The following KCNQ3 variants were observed in gnomAD, a reference collection of about 807,000 sequenced individuals.
KCNQ3 encodes potassium voltage-gated channel subfamily Q member 3.
A neutral mutation model predicts 92.5 loss-of-function variants in KCNQ3; 30 were observed. The ratio of observed to expected loss-of-function variants is 0.32; its 90% confidence interval spans 0.24 to 0.44. The LOEUF is 0.44. Ranked by LOEUF, KCNQ3 falls within the 20% of genes least tolerant of loss-of-function variation. The pLI, the probability that KCNQ3 is intolerant of heterozygous loss-of-function variation, is 1.00. For missense variants in KCNQ3, 913 were observed against 1,140.3 expected, an observed-to-expected ratio of 0.80 and a Z score of 2.87; for synonymous variants, 450 against 468.8, an observed-to-expected ratio of 0.96 and a Z score of 0.52.
chr8:132,466,304 G>C (rs1351493155), intron 1 of KCNQ3, among the ~76,000 whole-genome samples: 1 of 151,758 alleles, frequency 6.6e-6, no homozygotes, highest in Admixed American at 6.6e-5. Context: ...CGAGAAAACA[G>C]AGCCACATAT....
At chr8:132,315,848 T>G (rs887248447) in intron 1 of KCNQ3, among the ~76,000 whole-genome samples, 1 of 152,238 alleles carries the variant, frequency 6.6e-6, no homozygotes. Context: ...AATTGAATTA[T>G]AAACTAGCCA....
chr8:132,448,781 T>G (rs1273148221), intron 1 of KCNQ3, among the ~76,000 whole-genome samples: 1 of 152,246 alleles, frequency 6.6e-6, no homozygotes, highest in African/African-American at 2.4e-5. Context: ...CTTAAATTTT[T>G]AATCCATTTG....
chr8:132,123,721 A>C lies in KCNQ3; in HGVS notation c.*5541T>G, dbSNP rs1032531241. Reference sequence around the variant, plus strand: ...CTTTGCTCTGAGCTTCTGCTTCTTGATCTAAAAAGACAGGTGGTTGTTCTG... The same window carrying C: ...CTTTGCTCTGAGCTTCTGCTTCTTGCTCTAAAAAGACAGGTGGTTGTTCTG... On this transcript the variant is annotated 3_prime_UTR_variant, in exon 15 of 15. Coordinates refer to ENST00000388996, the MANE Select transcript of KCNQ3 (RefSeq NM_004519.4). 2.0e-5 allele frequency: 3 copies of C among 152,194 alleles called. No homozygotes were observed. Among genetic ancestry groups the C allele is most frequent in the African/African-American group, 7.2e-5 (3 of 41,438 alleles). 9.4% of individuals were successfully genotyped at this position (152,194 alleles called of 1,614,324 possible). A position where few individuals can be genotyped will look rare whatever the true frequency, so the allele number is the denominator to read the frequency against.
chr8:132,475,003 T>G (rs1418343093), intron 1 of KCNQ3, among the ~76,000 whole-genome samples: 1 of 152,186 alleles, frequency 6.6e-6, no homozygotes, highest in Non-Finnish European at 1.5e-5. Flanking sequence ...CTTGTCGTGA[T>G]AGAATTCTCA....
Position 132,373,253 on chromosome 8 carries a change from C to G in KCNQ3, c.386+106894G>C, listed in dbSNP as rs532280758. 2.0e-5 allele frequency among the ~76,000 whole-genome samples: 3 copies of G among 152,248 alleles called. No homozygotes were observed. The East Asian group carries it at 5.8e-4, about 29-fold the overall frequency. On this transcript the variant is annotated intron_variant, in intron 1 of 14. Transcript: ENST00000388996. ...AGACCAGAGAGAGAGCCCTGGAGAC[C>G]TACACCTGGGGTAAGTCACTTAACC... is the stretch of plus-strand genomic sequence containing the variant.
chr8:132,259,748 T>A (rs1296454915), intron 1 of KCNQ3, among the ~76,000 whole-genome samples: 1 of 152,058 alleles, frequency 6.6e-6, no homozygotes, highest in African/African-American at 2.4e-5. Flanking sequence ...TTTATACAAA[T>A]AATCTCAAGG....
intron 1 of KCNQ3, 74 bp from the exon 2 acceptor site, chr8:132,186,255 T>C: frequency 9.3e-7 from 1 of 1,070,602 alleles, no homozygotes; most frequent in South Asian, 1.3e-5. Context: ...TGGGGAAAGG[T>C]GTCTTCCAGG....
chr8:132,249,986 T>C lies in KCNQ3; in HGVS notation c.387-63805A>G, dbSNP rs373609297. Among the ~76,000 whole-genome samples, 742 of 152,198 alleles carry C rather than the reference T, an allele frequency of 4.9e-3. 7 individuals are homozygous for C. Among genetic ancestry groups the C allele is most frequent in the African/African-American group, 0.017 (718 of 41,542 alleles). On this transcript the variant is annotated intron_variant, in intron 1 of 14. Coordinates refer to ENST00000388996, the MANE Select transcript of KCNQ3 (RefSeq NM_004519.4). ...GCCGAGCCCATGCCCACCCGGAACT[T>C]GCGCTGGCCCACGAGTGCACTGCAC... is the stretch of plus-strand genomic sequence containing the variant.
chr8:132,203,129 C>A (rs1290114885), intron 1 of KCNQ3, among the ~76,000 whole-genome samples: 1 of 152,130 alleles, frequency 6.6e-6, no homozygotes, highest in Non-Finnish European at 1.5e-5. Context: ...TTATAACAAA[C>A]CCGCTCTCAG....
chr8:132,198,054 A>G (rs1827354152), intron 1 of KCNQ3, among the ~76,000 whole-genome samples: 1 of 152,076 alleles, frequency 6.6e-6, no homozygotes, highest in Non-Finnish European at 1.5e-5. Flanking sequence ...TCAATAGACT[A>G]CAGTAAAGGG....
chr8:132,344,934 C>T (rs904341038), intron 1 of KCNQ3, among the ~76,000 whole-genome samples: 1 of 151,982 alleles, frequency 6.6e-6, no homozygotes, highest in African/African-American at 2.4e-5. Flanking sequence ...GTGAAGTAAC[C>T]CAAAGGAGAG....
At chr8:132,333,633 G>A (rs1818289441) in intron 1 of KCNQ3, among the ~76,000 whole-genome samples, 1 of 152,092 alleles carries the variant, frequency 6.6e-6, no homozygotes, top group Non-Finnish European at 1.5e-5. Flanking sequence ...TGGGGTGGTT[G>A]CATGATACTA....
intron 1 of KCNQ3, among the ~76,000 whole-genome samples, chr8:132,355,362 A>G (rs57732466): frequency 0.029 from 4,408 of 151,988 alleles, 229 homozygotes; most frequent in African/African-American, 0.1. Context: ...CTGATGACTG[A>G]AGGAGTCCTC....
Position 132,211,253 on chromosome 8 carries a change from G to GA in KCNQ3, c.387-25073dup, listed in dbSNP as rs564654363. Among the ~76,000 whole-genome samples the GA allele has an allele frequency of 1.7e-3, 262 of 152,312 alleles. 4 individuals carry two copies. The highest frequency in any genetic ancestry group is 2.4e-3 in the Non-Finnish European group (163 of 68,014). On this transcript the variant is annotated intron_variant, in intron 1 of 14. Coordinates refer to ENST00000388996, the MANE Select transcript of KCNQ3 (RefSeq NM_004519.4). ...CAAAAATAGACTCCAATACATGTGA[G>GA]AAAAAATTGTGCTTCAGTAGAAAAC... is the stretch of plus-strand genomic sequence containing the variant.
In KCNQ3 at chr8:132,431,415, A is replaced by G. The variant is rs989640454; in HGVS notation, c.386+48732T>C. On this transcript the variant is annotated intron_variant, in intron 1 of 14. Coordinates refer to ENST00000388996, the MANE Select transcript of KCNQ3 (RefSeq NM_004519.4). Reference sequence around the variant, plus strand: ...ACGCCCATCCAGATTCCACCTCCTCAGAGTCGGGGGACACACAGGCATCCC... The same window carrying G: ...ACGCCCATCCAGATTCCACCTCCTCGGAGTCGGGGGACACACAGGCATCCC... 7.2e-5 allele frequency among the ~76,000 whole-genome samples: 11 copies of G among 152,180 alleles called. No homozygotes were observed. In the East Asian group the frequency reaches 2.1e-3, roughly 29 times the overall value.
At chr8:132,176,376 C>A (rs1826553272) in intron 4 of KCNQ3, among the ~76,000 whole-genome samples, 1 of 152,164 alleles carries the variant, frequency 6.6e-6, no homozygotes, top group Admixed American at 6.5e-5. Flanking sequence ...ACCTAATGCT[C>A]CTTCCAGCTC....
At chr8:132,132,089 A>AAAAAAAAAAAG (rs1471085934) in intron 14 of KCNQ3, 91 bp downstream of exon 14, 2 of 879,516 alleles carry the variant, frequency 2.3e-6, no homozygotes, top group Non-Finnish European at 3.6e-6. Context: ...CTTCGTCTTA[A>AAAAAAAAAAAG]AAAAAAAAAA....
chr8:132,360,064 T>C (rs73708405), intron 1 of KCNQ3, among the ~76,000 whole-genome samples: 6,089 of 152,246 alleles, frequency 0.04, 361 homozygotes, highest in African/African-American at 0.13. Context: ...CTATCCAATA[T>C]GGCCTCAGAT....
intron 9 of KCNQ3, among the ~76,000 whole-genome samples, chr8:132,157,874 T>C (rs1255094219): frequency 6.6e-6 from 1 of 152,062 alleles, no homozygotes; most frequent in African/African-American, 2.4e-5. Context: ...TTCCCCTCCC[T>C]GTGTCCATGT....
Sources: allele counts gnomAD v4.1 joint callset (sites outside exome capture counted in the v4.1 genomes callset), GRCh38; gene constraint gnomAD v4.1.1; transcripts MANE v1.5; gene names NCBI Gene and HGNC (gene_info 2026-07-23, HGNC 2026-07-21).